The following CNTN4 variants were observed in gnomAD, a reference collection of about 807,000 sequenced individuals.
CNTN4 encodes contactin-4.
A neutral mutation model predicts 122.5 loss-of-function variants in CNTN4; 77 were observed. The observed-to-expected ratio is 0.63, with a 90% confidence interval of 0.52 to 0.76. The LOEUF (loss-of-function observed/expected upper bound fraction) is 0.76, where lower values mean the gene tolerates loss of function less well. Ranked by LOEUF, CNTN4 falls within the 30% of genes least tolerant of loss-of-function variation. CNTN4 has a pLI of 0.00. For synonymous variants in CNTN4, 512 were observed against 447.0 expected (o/e 1.15, Z -1.83); for missense variants, 1,256 against 1,259.1 (o/e 1.00, Z 0.04).
intron 10 of CNTN4, among the ~76,000 whole-genome samples, chr3:2,896,649 A>C (rs142757928): frequency 2.0e-5 from 3 of 152,192 alleles, no homozygotes; most frequent in Non-Finnish European, 4.4e-5. Flanking sequence ...TACTAGGAAC[A>C]CTGAATTTGA....
chr3:2,517,536 C>T (rs551107299), intron 3 of CNTN4, among the ~76,000 whole-genome samples: 3 of 152,194 alleles, frequency 2.0e-5, no homozygotes, highest in South Asian at 4.1e-4. Context: ...TACGGTAGGG[C>T]GTAATGCCAT....
intron 24 of CNTN4, among the ~76,000 whole-genome samples, chr3:3,055,205 A>T (rs1160463470): frequency 6.6e-6 from 1 of 152,162 alleles, no homozygotes; most frequent in Non-Finnish European, 1.5e-5. Flanking sequence ...AGGGAGCTAG[A>T]TTTTTGGTGA....
chr3:2,765,715 C>T (rs1051059900), intron 6 of CNTN4, among the ~76,000 whole-genome samples: 1 of 152,106 alleles, frequency 6.6e-6, no homozygotes, highest in African/African-American at 2.4e-5. Flanking sequence ...AAACAGGTGC[C>T]CTCAGAGAGC....
intron 2 of CNTN4, among the ~76,000 whole-genome samples, chr3:2,334,880 G>C (rs533042355): frequency 1.1e-4 from 16 of 152,250 alleles, no homozygotes; most frequent in Admixed American, 1.0e-3. Context: ...CACTTGGGAA[G>C]GGTTGTTTTT....
At chr3:2,107,129 C>G (rs1379949699) in intron 2 of CNTN4, among the ~76,000 whole-genome samples, 5 of 152,206 alleles carry the variant, frequency 3.3e-5, no homozygotes, top group Non-Finnish European at 7.3e-5. Flanking sequence ...TCCAAACTTT[C>G]TGACATCTTC....
rs143516827 is a variant in CNTN4 at position 2,605,731 on chromosome 3, C to G, written c.55+34173C>G. On this transcript the variant is annotated intron_variant, in intron 4 of 24. Coordinates refer to ENST00000418658, the MANE Select transcript of CNTN4 (RefSeq NM_175607.3). Reference sequence around the variant, plus strand: ...TATGAGTTTACCACAGTAATTATTACTATATAGATGCCATTCATTTATACC... The same window carrying G: ...TATGAGTTTACCACAGTAATTATTAGTATATAGATGCCATTCATTTATACC... 6.2e-3 allele frequency among the ~76,000 whole-genome samples: 948 copies of G among 152,194 alleles called. 14 individuals carry two copies. Among genetic ancestry groups the G allele is most frequent in the African/African-American group, 0.022 (895 of 41,508 alleles).
Position 3,037,182 on chromosome 3 carries a change from C to T in CNTN4, c.1946C>T (p.Pro649Leu). The change falls in exon 18 of 25, where the codon CCA becomes CTA. Residue 649 changes from proline to leucine, a missense_variant. By Grantham distance (98) the Pro-to-Leu change is moderately conservative (BLOSUM62 -3). Coordinates refer to ENST00000418658, the MANE Select transcript of CNTN4 (RefSeq NM_175607.3). ...SVGWQAVSTV[P>L]ELIDGKTFTA... ...CCCACCTTTTGTTGTCTTTCAGTCCCAGAACTCATTGATGGGAAGACATTC... is the reference window on the plus strand; with the variant it reads ...CCCACCTTTTGTTGTCTTTCAGTCCTAGAACTCATTGATGGGAAGACATTC... The T allele has an allele frequency of 6.2e-7, 1 of 1,614,134 alleles. No individual in the cohort carries two copies. Among genetic ancestry groups the T allele is most frequent in the Non-Finnish European group, 8.5e-7 (1 of 1,180,000 alleles).
chr3:2,213,858 C>T (rs1266571213), intron 2 of CNTN4, among the ~76,000 whole-genome samples: 1 of 152,126 alleles, frequency 6.6e-6, no homozygotes, highest in East Asian at 1.9e-4. Context: ...ATATTGCACA[C>T]AACTTTTTAA....
At chr3:2,537,048 C>T (rs1404192498) in intron 3 of CNTN4, among the ~76,000 whole-genome samples, 3 of 152,114 alleles carry the variant, frequency 2.0e-5, no homozygotes, top group Non-Finnish European at 4.4e-5. Context: ...TCTTAACCCA[C>T]TAGCATCTGT....
At chr3:2,298,416 A>C (rs1054894056) in intron 2 of CNTN4, among the ~76,000 whole-genome samples, 4 of 152,110 alleles carry the variant, frequency 2.6e-5, no homozygotes, top group African/African-American at 9.7e-5. Flanking sequence ...CAAATTATCT[A>C]ATTAAACCTT....
At chr3:2,133,110 T>C (rs1255589497) in intron 2 of CNTN4, among the ~76,000 whole-genome samples, 1 of 151,940 alleles carries the variant, frequency 6.6e-6, no homozygotes, top group Non-Finnish European at 1.5e-5. Context: ...ATAGGAGGAG[T>C]TGAGAAGAGG....
intron 4 of CNTN4, among the ~76,000 whole-genome samples, chr3:2,594,432 T>G (rs1427797385): frequency 2.6e-5 from 4 of 151,122 alleles, no homozygotes; most frequent in Admixed American, 2.6e-4. Context: ...TTTTTTTTTT[T>G]TTTTGAGACA....
chr3:2,530,031 C>A (rs1179303157), intron 3 of CNTN4, among the ~76,000 whole-genome samples: 2 of 152,082 alleles, frequency 1.3e-5, no homozygotes, highest in Non-Finnish European at 2.9e-5. Flanking sequence ...GATGCTTGGG[C>A]TATATCATCA....
At chr3:2,816,820 C>CAAAAAAA (rs538762827) in intron 6 of CNTN4, among the ~76,000 whole-genome samples, 2 of 73,228 alleles carry the variant, frequency 2.7e-5, no homozygotes, top group Non-Finnish European at 4.9e-5. Context: ...ACTCTGTCTC[C>CAAAAAAA]AAAAAAAAAA....
intron 3 of CNTN4, among the ~76,000 whole-genome samples, chr3:2,342,428 A>G (rs1029269439): frequency 9.2e-5 from 14 of 152,198 alleles, no homozygotes; most frequent in African/African-American, 3.4e-4. Flanking sequence ...TGAAAATATT[A>G]TAAATAAAAC....
At chr3:2,684,022 G>A (rs922029088) in intron 4 of CNTN4, among the ~76,000 whole-genome samples, 2 of 152,206 alleles carry the variant, frequency 1.3e-5, no homozygotes, top group Middle Eastern at 3.4e-3. Flanking sequence ...TTACAGGCAG[G>A]GTTTAATCTG....
At chr3:2,461,514 A>G (rs1451105302) in intron 3 of CNTN4, among the ~76,000 whole-genome samples, 1 of 152,180 alleles carries the variant, frequency 6.6e-6, no homozygotes, top group Non-Finnish European at 1.5e-5. Context: ...CGGTAGATCC[A>G]GGGCTCCCAC....
chr3:2,213,425 T>C (rs1575094986), intron 2 of CNTN4, among the ~76,000 whole-genome samples: 1 of 152,326 alleles, frequency 6.6e-6, no homozygotes, highest in East Asian at 1.9e-4. Flanking sequence ...CAATGCTAAA[T>C]TCTAATTACC....
At chr3:2,215,832 G>A (rs532338177) in intron 2 of CNTN4, among the ~76,000 whole-genome samples, 26 of 133,734 alleles carry the variant, frequency 1.9e-4, no homozygotes, top group South Asian at 7.2e-4. Flanking sequence ...GCAGTGAGCC[G>A]AGACTGTGCC....
Sources: allele counts gnomAD v4.1 joint callset (sites outside exome capture counted in the v4.1 genomes callset), GRCh38; gene constraint gnomAD v4.1.1; transcripts MANE v1.5; gene names NCBI Gene and HGNC (gene_info 2026-07-23, HGNC 2026-07-21).